PTPRK: variants seen among roughly 807,000 people sequenced by gnomAD.
PTPRK encodes receptor-type tyrosine-protein phosphatase kappa.
PTPRK carries 75 observed loss-of-function variants against 178.0 expected under a neutral mutation model. The ratio of observed to expected loss-of-function variants is 0.42; its 90% CI spans 0.35 to 0.51. The LOEUF (loss-of-function observed/expected upper bound fraction) is 0.51, where lower values mean the gene tolerates loss of function less well. Ranked by LOEUF, PTPRK falls within the 20% of genes least tolerant of loss-of-function variation. The pLI is 0.02. For missense variants in PTPRK, 1,441 were observed against 1,797.8 expected, an observed-to-expected ratio of 0.80 and a Z score of 3.59; for synonymous variants, 637 against 620.6, an observed-to-expected ratio of 1.03 and a Z score of -0.39.
chr6:128,449,006 C>A (rs2128404768), intron 1 of PTPRK, among the ~76,000 whole-genome samples: 1 of 152,078 alleles, frequency 6.6e-6, no homozygotes, highest in South Asian at 2.1e-4. Flanking sequence ...ACTACAGGCA[C>A]CCACCACCAC....
rs943835628 is a variant in PTPRK at position 128,233,632 on chromosome 6, C to T, written c.693+6403G>A. Among the ~76,000 whole-genome samples, 5 of 152,336 alleles carry T rather than the reference C, an allele frequency of 3.3e-5. No homozygotes were observed. In the South Asian group the frequency reaches 6.2e-4, roughly 19 times the overall value. On this transcript the variant is annotated intron_variant, in intron 5 of 29. Transcript: ENST00000368226. ...GAGCAACTAGCTGTATCACACTATTCTAGCAATGATGAGCCTCACCAAGGG... is the reference window on the plus strand; with the variant it reads ...GAGCAACTAGCTGTATCACACTATTTTAGCAATGATGAGCCTCACCAAGGG...
intron 2 of PTPRK, among the ~76,000 whole-genome samples, chr6:128,394,257 T>C (rs1839993872): frequency 6.6e-6 from 1 of 152,240 alleles, no homozygotes; most frequent in African/African-American, 2.4e-5. Flanking sequence ...ACCATTTATT[T>C]ATACATTGCA....
chr6:128,203,955 C>T (rs1806446473), intron 6 of PTPRK, among the ~76,000 whole-genome samples: 1 of 152,078 alleles, frequency 6.6e-6, no homozygotes, highest in Admixed American at 6.5e-5. Flanking sequence ...AAAAAAGATC[C>T]TAAATAGCCA....
chr6:128,474,953 TA>T (rs1324000558), intron 1 of PTPRK, among the ~76,000 whole-genome samples: 3 of 152,144 alleles, frequency 2.0e-5, no homozygotes, highest in Admixed American at 2.0e-4. Context: ...CAATCTCCTT[TA>T]CACAGTGTGG....
Position 127,982,910 on chromosome 6 carries a change from C to T in PTPRK, c.3458G>A (p.Cys1153Tyr). ...CLCGETAIPV[C>Y]EFKAAYFDMI... ...ATCAAAATATGCAGCTTTAAATTCA[C>T]AGACAGGTATGGCAGTTTCTCCACA... The change falls in exon 24 of 30, where the codon TGT becomes TAT. Residue 1153 changes from cysteine to tyrosine, a missense_variant. Cys to Tyr is a radical substitution (Grantham distance 194). Transcript: ENST00000368226. 6.2e-7 allele frequency: 1 copy of T among 1,612,446 alleles called. No individual in the cohort carries two copies. The highest frequency in any genetic ancestry group is 1.7e-5 in the Admixed American group (1 of 60,016).
At chr6:128,376,949 G>A (rs778006372) in intron 2 of PTPRK, among the ~76,000 whole-genome samples, 1 of 152,064 alleles carries the variant, frequency 6.6e-6, no homozygotes, top group Admixed American at 6.6e-5. Context: ...TTTCATTGTC[G>A]ATATCATTAT....
chr6:128,047,863 T>C (rs1487354292), intron 13 of PTPRK, among the ~76,000 whole-genome samples: 1 of 151,834 alleles, frequency 6.6e-6, no homozygotes, highest in African/African-American at 2.4e-5. Flanking sequence ...AATACAGATA[T>C]CTAAAATTAA....
intron 6 of PTPRK, among the ~76,000 whole-genome samples, chr6:128,191,059 A>C (rs569938615): frequency 2.0e-5 from 3 of 152,148 alleles, no homozygotes; most frequent in Non-Finnish European, 2.9e-5. Context: ...AATATTTCAC[A>C]CACGAGTAAC....
intron 6 of PTPRK, among the ~76,000 whole-genome samples, chr6:128,186,388 T>G (rs956968124): frequency 3.9e-5 from 6 of 152,082 alleles, no homozygotes; most frequent in Non-Finnish European, 5.9e-5. Context: ...TGGGATTCAC[T>G]GGGCTCATGT....
At chr6:127,975,387 C>G (rs999174453) in intron 27 of PTPRK, among the ~76,000 whole-genome samples, 2 of 152,032 alleles carry the variant, frequency 1.3e-5, no homozygotes, top group South Asian at 4.2e-4. Flanking sequence ...TGAAGTTATC[C>G]TTTTTTTCTC....
At chr6:127,997,903 C>A (rs1415276248) in intron 16 of PTPRK, among the ~76,000 whole-genome samples, 1 of 151,974 alleles carries the variant, frequency 6.6e-6, no homozygotes, top group Non-Finnish European at 1.5e-5. Context: ...TTTTGGATGG[C>A]CTTTTCAAAG....
chr6:128,080,612 T>C (rs1380222810), intron 10 of PTPRK, among the ~76,000 whole-genome samples: 1 of 152,066 alleles, frequency 6.6e-6, no homozygotes, highest in Non-Finnish European at 1.5e-5. Flanking sequence ...TATGTGTGTA[T>C]ATGTGTGTAT....
At chr6:128,400,048 A>G (rs1231239612) in intron 1 of PTPRK, among the ~76,000 whole-genome samples, 2 of 152,184 alleles carry the variant, frequency 1.3e-5, no homozygotes, top group Non-Finnish European at 2.9e-5. Context: ...TTGTATTTCA[A>G]GGTTAAGGGC....
At chr6:128,068,708 T>C (rs1448427905) in intron 11 of PTPRK, among the ~76,000 whole-genome samples, 2 of 151,208 alleles carry the variant, frequency 1.3e-5, no homozygotes, top group Non-Finnish European at 2.9e-5. Flanking sequence ...GGTAAAATAT[T>C]ACCATGAAAG....
At chr6:128,283,995 G>T (rs1822081615) in intron 3 of PTPRK, among the ~76,000 whole-genome samples, 1 of 152,134 alleles carries the variant, frequency 6.6e-6, no homozygotes, top group South Asian at 2.1e-4. Context: ...TTTATTGCAG[G>T]TTAAAATTTG....
chr6:128,062,480 G>A (rs1383993805), intron 13 of PTPRK: 1 of 166,876 alleles, frequency 6.0e-6, no homozygotes, highest in Non-Finnish European at 1.5e-5. Context: ...TAAAAAACAA[G>A]CGAACAAAAA....
At chr6:128,502,585 T>G (rs1020871611) in intron 1 of PTPRK, among the ~76,000 whole-genome samples, 1 of 152,206 alleles carries the variant, frequency 6.6e-6, no homozygotes, top group African/African-American at 2.4e-5. Flanking sequence ...TGGGCTGGGC[T>G]GAAACCAGCC....
At chr6:128,496,311 G>C (rs1175262168) in intron 1 of PTPRK, among the ~76,000 whole-genome samples, 2 of 152,310 alleles carry the variant, frequency 1.3e-5, no homozygotes, top group East Asian at 3.9e-4. Flanking sequence ...AAGTAGAGCA[G>C]GGATGGGGGC....
At chr6:128,334,352 G>A (rs1286595719) in intron 2 of PTPRK, among the ~76,000 whole-genome samples, 2 of 152,148 alleles carry the variant, frequency 1.3e-5, no homozygotes, top group Non-Finnish European at 2.9e-5. Context: ...ACTGAATGAT[G>A]TAAGTTTCCT....
Sources: allele counts gnomAD v4.1 joint callset (sites outside exome capture counted in the v4.1 genomes callset), GRCh38; gene constraint gnomAD v4.1.1; transcripts MANE v1.5; gene names NCBI Gene and HGNC (gene_info 2026-07-23, HGNC 2026-07-21).